The following ADAMTS9 variants were observed in gnomAD, a reference collection of about 807,000 sequenced individuals.
ADAMTS9 encodes the protein A disintegrin and metalloproteinase with thrombospondin motifs 9.
A neutral mutation model predicts 257.1 loss-of-function variants in ADAMTS9; 107 were observed. That is an observed-to-expected ratio of 0.42 (90% CI 0.36 to 0.49). The LOEUF (loss-of-function observed/expected upper bound fraction) is 0.49. Among genes scored for constraint, ADAMTS9 ranks in the 20% least tolerant of loss-of-function variants. The probability of loss-of-function intolerance (pLI) is 0.03; values close to 1 mark genes in which losing one functional copy is unlikely to be tolerated. For synonymous variants in ADAMTS9, 982 were observed against 880.9 expected, an observed-to-expected ratio of 1.11 and a Z score of -2.03; for missense variants, 2,353 against 2,469.1, an observed-to-expected ratio of 0.95 and a Z score of 1.00.
intron 23 of ADAMTS9, among the ~76,000 whole-genome samples, chr3:64,604,797 T>C (rs1381218150): frequency 6.6e-6 from 1 of 152,220 alleles, no homozygotes; most frequent in Non-Finnish European, 1.5e-5. Context: ...AATCCCAGAA[T>C]GTCAAATGTA....
At chr3:64,542,014 G>A in intron 32 of ADAMTS9, 44 bp from the exon 33 acceptor site, 1 of 1,612,250 alleles carries the variant, frequency 6.2e-7, no homozygotes, top group African/African-American at 1.3e-5. Context: ...TGGAATGTGG[G>A]AGGCATAGGC....
chr3:64,667,183 G>A (rs1199933443), intron 3 of ADAMTS9, among the ~76,000 whole-genome samples: 1 of 152,160 alleles, frequency 6.6e-6, no homozygotes, highest in Non-Finnish European at 1.5e-5. Flanking sequence ...GTTTCCATGA[G>A]AGTGGTTTAT....
chr3:64,638,477 C>T (rs1482043188), intron 12 of ADAMTS9, among the ~76,000 whole-genome samples: 1 of 152,094 alleles, frequency 6.6e-6, no homozygotes, highest in Admixed American at 6.6e-5. Context: ...CAATCAAGAA[C>T]GTTCTGAGAG....
Position 64,687,644 on chromosome 3 carries a change from G to A in ADAMTS9, c.14C>T (p.Ser5Phe). Residue 5 changes from serine to phenylalanine, a missense_variant, in exon 1 of 40, where the codon TCC becomes TTC. Around this residue, in one of 3 missense-constraint regions of ADAMTS9, gnomAD observed 591 missense variants for 569.6 expected, o/e 1.04. Transcript: ENST00000498707. The surrounding 1 kb of genome is among the most constrained non-coding windows in gnomAD (Gnocchi z 4.4). MQFVSWATLLTLLVR... is the reference protein window; with the variant it reads MQFVFWATLLTLLVR... ...CAGGAGCGTTAGCAGTGTGGCCCAG[G>A]ATACAAACTGCATGGTGCTTCCCAC... The A allele has an allele frequency of 6.4e-7, 1 of 1,567,088 alleles. No individual in the cohort carries two copies. Among genetic ancestry groups the A allele is most frequent in the Admixed American group, 1.8e-5 (1 of 54,410 alleles).
Position 64,596,812 on chromosome 3 carries a change from C to T in ADAMTS9, c.4179+18G>A, listed in dbSNP as rs75201001. 2.4e-5 allele frequency: 38 copies of T among 1,613,298 alleles called. No homozygotes were observed. The highest frequency in any genetic ancestry group is 1.6e-4 in the Middle Eastern group (1 of 6,070). On this transcript the variant is annotated intron_variant, in intron 27 of 39. Transcript: ENST00000498707. Reference sequence around the variant, plus strand: ...AACACAATTCCTCTGTATTTATAGACGGATAGTTCACTCTCACCTCTCCCC... The same window carrying T: ...AACACAATTCCTCTGTATTTATAGATGGATAGTTCACTCTCACCTCTCCCC...
At position 64,541,425 on chromosome 3, in the gene ADAMTS9, A is replaced by G. The variant is rs138607821; in HGVS notation, c.5293-11T>C. 323 of 1,613,724 alleles carry G rather than the reference A, an allele frequency of 2.0e-4. 2 individuals carry two copies. The East Asian group carries it at 7.1e-3, about 36-fold the overall frequency. Reference sequence around the variant, plus strand: ...CCCCGCACAGAATATCTGAAAGACCATAAATAACCCATGAAGAGTGGCTCA... The same window carrying G: ...CCCCGCACAGAATATCTGAAAGACCGTAAATAACCCATGAAGAGTGGCTCA... On this transcript the variant is annotated splice_polypyrimidine_tract_variant and intron_variant, in intron 34 of 39. Coordinates refer to ENST00000498707, the MANE Select transcript of ADAMTS9 (RefSeq NM_182920.2).
rs537625465 is a variant in ADAMTS9 at position 64,523,664 on chromosome 3, T to G, written c.5719-1404A>C. 2.6e-5 allele frequency among the ~76,000 whole-genome samples: 4 copies of G among 152,304 alleles called. 1 individual carries two copies. In the South Asian group the frequency reaches 8.3e-4, roughly 32 times the overall value. On this transcript the variant is annotated intron_variant, in intron 38 of 39. Transcript: ENST00000498707. ...TTTGCAGGTACTTTGTGGAAAATAT[T>G]TGACCTATCAAGTGCTATAGAACTA...
intron 38 of ADAMTS9, among the ~76,000 whole-genome samples, chr3:64,525,299 A>G (rs1234379028): frequency 6.6e-6 from 1 of 152,184 alleles, no homozygotes; most frequent in African/African-American, 2.4e-5. Flanking sequence ...GCTATGAAAA[A>G]GTCCTTCTTT....
intron 37 of ADAMTS9, among the ~76,000 whole-genome samples, chr3:64,534,301 G>A (rs2083019443): frequency 6.6e-6 from 1 of 152,156 alleles, no homozygotes; most frequent in Non-Finnish European, 1.5e-5. Flanking sequence ...AAAATGGAAA[G>A]CACTAAAACT....
chr3:64,651,662 A>G (rs915992301), intron 8 of ADAMTS9, among the ~76,000 whole-genome samples: 1 of 152,194 alleles, frequency 6.6e-6, no homozygotes, highest in Non-Finnish European at 1.5e-5. Flanking sequence ...AGGGTGACAA[A>G]TTATATACCT....
At position 64,642,013 on chromosome 3, in the gene ADAMTS9, T is replaced by C. The variant is rs1330704495; in HGVS notation, c.1711-20A>G. Reference sequence around the variant, plus strand: ...GCAGTGCTGTATTTAATAAGGGGAATAGTGAGGGAGACTTGGCGCTGTGAG... The same window carrying C: ...GCAGTGCTGTATTTAATAAGGGGAACAGTGAGGGAGACTTGGCGCTGTGAG... On this transcript the variant is annotated intron_variant, in intron 11 of 39. Coordinates refer to ENST00000498707, the MANE Select transcript of ADAMTS9 (RefSeq NM_182920.2). 7.4e-6 allele frequency: 12 copies of C among 1,613,562 alleles called. No individual in the cohort carries two copies. Among genetic ancestry groups the C allele is most frequent in the Non-Finnish European group, 9.3e-6 (11 of 1,179,608 alleles).
At chr3:64,605,136 G>A (rs1342033493) in intron 23 of ADAMTS9, among the ~76,000 whole-genome samples, 1 of 152,194 alleles carries the variant, frequency 6.6e-6, no homozygotes, top group Non-Finnish European at 1.5e-5. Flanking sequence ...CGTGGCTCCA[G>A]ACTTTGCCTA....
chr3:64,599,774 C>T (rs548650679), intron 26 of ADAMTS9, among the ~76,000 whole-genome samples: 35 of 152,328 alleles, frequency 2.3e-4, no homozygotes, highest in African/African-American at 6.0e-4. Context: ...CAAATGTGTG[C>T]GGCCACCTGT....
intron 10 of ADAMTS9, among the ~76,000 whole-genome samples, chr3:64,648,927 T>C (rs903756059): frequency 9.2e-5 from 14 of 152,204 alleles, no homozygotes; most frequent in Non-Finnish European, 2.9e-5. Context: ...TTGTTATTAT[T>C]TCCATGGAAT....
Position 64,651,067 on chromosome 3 carries a change from G to A in ADAMTS9, c.1413C>T (p.Asn471=), listed in dbSNP as rs770979909. 11 of 1,608,134 alleles carry A rather than the reference G, an allele frequency of 6.8e-6. No homozygotes were observed. The highest frequency in any genetic ancestry group is 1.7e-4 in the Middle Eastern group (1 of 6,042). Residue 471 remains asparagine, a synonymous_variant, in exon 9 of 40, where the codon AAC becomes AAT. Coordinates refer to ENST00000498707, the MANE Select transcript of ADAMTS9 (RefSeq NM_182920.2). Reference sequence around the variant, plus strand: ...GACTACACTTTGACCACATCCAGGGGTTGGTGTAGAAGTTCAGTGTTGGAG... The same window carrying A: ...GACTACACTTTGACCACATCCAGGGATTGGTGTAGAAGTTCAGTGTTGGAG... ...VMAPTLNFYT[N]PWMWSKCSRK... is the part of the protein sequence containing the mutation.
At chr3:64,574,405 C>T (rs2083776840) in intron 28 of ADAMTS9, among the ~76,000 whole-genome samples, 1 of 151,642 alleles carries the variant, frequency 6.6e-6, no homozygotes, top group Non-Finnish European at 1.5e-5. Context: ...GGTCATAGCA[C>T]CAGGAAGCAG....
intron 27 of ADAMTS9, among the ~76,000 whole-genome samples, chr3:64,595,114 C>G (rs2084340615): frequency 6.6e-6 from 1 of 152,076 alleles, no homozygotes; most frequent in Non-Finnish European, 1.5e-5. Context: ...CAAAAACTAC[C>G]CAATACCAAA....
chr3:64,645,868 A>C (rs1253216463), intron 11 of ADAMTS9, among the ~76,000 whole-genome samples: 1 of 152,164 alleles, frequency 6.6e-6, no homozygotes. Flanking sequence ...GAAGCTCCCC[A>C]TCCCTCAGAA....
At chr3:64,628,597 G>C (rs898634099) in intron 16 of ADAMTS9, among the ~76,000 whole-genome samples, 2 of 152,068 alleles carry the variant, frequency 1.3e-5, no homozygotes, top group African/African-American at 4.8e-5. Flanking sequence ...AAAATAATTT[G>C]TAAACAGTCC....
Sources: allele counts gnomAD v4.1 joint callset (sites outside exome capture counted in the v4.1 genomes callset), GRCh38; gene constraint gnomAD v4.1.1; regional missense constraint gnomAD v4.1.1; non-coding constraint Gnocchi (gnomAD v3.1); transcripts MANE v1.5; gene names NCBI Gene and HGNC (gene_info 2026-07-23, HGNC 2026-07-21).